The following RAPGEF1 variants were observed in gnomAD, a reference collection of about 807,000 sequenced individuals.
The protein encoded by RAPGEF1 is Rap guanine nucleotide exchange factor 1.
RAPGEF1 carries 33 observed loss-of-function variants against 143.3 expected under a neutral mutation model. The observed-to-expected ratio is 0.23, with a 90% CI of 0.17 to 0.31. The LOEUF (loss-of-function observed/expected upper bound fraction) is 0.31, where lower values mean the gene tolerates loss of function less well. Among genes scored for constraint, RAPGEF1 ranks in the 10% least tolerant of loss-of-function variants. The probability of loss-of-function intolerance (pLI) is 1.00; values close to 1 mark genes in which losing one functional copy is unlikely to be tolerated. For missense variants in RAPGEF1, 1,199 were observed against 1,645.4 expected (o/e 0.73, Z 4.69); for synonymous variants, 629 against 676.5 (o/e 0.93, Z 1.09).
intron 14 of RAPGEF1, among the ~76,000 whole-genome samples, 193 bp downstream of exon 14, chr9:131,603,768 A>G (rs996917236): frequency 3.9e-5 from 6 of 151,992 alleles, no homozygotes; most frequent in African/African-American, 1.5e-4. Context: ...CAAAGGGCAG[A>G]CCTCCACCTG....
chr9:131,662,973 C>T (rs894970292), intron 1 of RAPGEF1, among the ~76,000 whole-genome samples: 5 of 151,526 alleles, frequency 3.3e-5, no homozygotes, highest in Admixed American at 6.6e-5. Context: ...CTGGTTCCAA[C>T]GTTGTATTCT....
chr9:131,659,473 C>A (rs1416083029), intron 1 of RAPGEF1, among the ~76,000 whole-genome samples: 2 of 152,080 alleles, frequency 1.3e-5, no homozygotes, highest in Non-Finnish European at 2.9e-5. Flanking sequence ...CCCATCTCAG[C>A]CTCCCAAAGT....
intron 4 of RAPGEF1, among the ~76,000 whole-genome samples, chr9:131,640,967 C>A (rs1967774106): frequency 6.6e-6 from 1 of 152,140 alleles, no homozygotes; most frequent in Non-Finnish European, 1.5e-5. Context: ...AGAAAACAAA[C>A]CATATTTCAT....
chr9:131,597,390 C>T (rs1483681580), intron 16 of RAPGEF1, among the ~76,000 whole-genome samples: 1 of 152,218 alleles, frequency 6.6e-6, no homozygotes, highest in Non-Finnish European at 1.5e-5. Flanking sequence ...CTGTGTGTGA[C>T]AGCCCAAGGC....
intron 1 of RAPGEF1, among the ~76,000 whole-genome samples, chr9:131,733,765 G>C (rs947121401): frequency 1.3e-5 from 2 of 152,174 alleles, no homozygotes; most frequent in Non-Finnish European, 2.9e-5. Flanking sequence ...AACACGCTCA[G>C]CTGGCCTGAG....
rs1420087157 is a variant in RAPGEF1 at position 131,621,720 on chromosome 9, C to T, written c.1905+76G>A. Reference sequence around the variant, plus strand: ...AGCAGGGAGGAGGGTTAACCCTGCCCCCAAGGAGGGTCATTCTGGTTCCTA... The same window carrying T: ...AGCAGGGAGGAGGGTTAACCCTGCCTCCAAGGAGGGTCATTCTGGTTCCTA... On this transcript the variant is annotated intron_variant, in intron 11 of 26. Transcript: ENST00000683357. The surrounding 1 kb of genome is among the most constrained non-coding windows in gnomAD (Gnocchi z 4.5). The T allele has an allele frequency of 1.4e-6, 2 of 1,448,100 alleles. No individual in the cohort carries two copies. The highest frequency in any genetic ancestry group is 1.4e-5 in the African/African-American group (1 of 71,046). 89.7% of individuals were successfully genotyped at this position (1,448,100 alleles called of 1,614,324 possible). A position where few individuals can be genotyped will look rare whatever the true frequency, so the allele number is the denominator to read the frequency against.
Position 131,625,903 on chromosome 9 carries a change from C to G in RAPGEF1, c.1702+19G>C. Reference sequence around the variant, plus strand: ...GGTTATAAAATGCACTTCCTGACAACAGTGCAACAAAGGCTTACTGTGTTT... The same window carrying G: ...GGTTATAAAATGCACTTCCTGACAAGAGTGCAACAAAGGCTTACTGTGTTT... On this transcript the variant is annotated intron_variant, in intron 10 of 26. Coordinates refer to ENST00000683357, the MANE Select transcript of RAPGEF1 (RefSeq NM_001377935.1). 6.5e-7 allele frequency: 1 copy of G among 1,531,358 alleles called. No individual in the cohort carries two copies. Among genetic ancestry groups the G allele is most frequent in the Non-Finnish European group, 8.8e-7 (1 of 1,135,448 alleles). 94.9% of individuals were successfully genotyped at this position (1,531,358 alleles called of 1,614,324 possible). A position where few individuals can be genotyped will look rare whatever the true frequency, so the allele number is the denominator to read the frequency against.
chr9:131,627,859 G>T, intron 9 of RAPGEF1, 54 bp downstream of exon 9: 2 of 1,531,452 alleles, frequency 1.3e-6, no homozygotes, highest in East Asian at 2.4e-5. Flanking sequence ...GGACTGTAAT[G>T]GCCCCAGAGA....
chr9:131,626,830 G>A (rs1298197537), intron 9 of RAPGEF1, among the ~76,000 whole-genome samples: 1 of 152,164 alleles, frequency 6.6e-6, no homozygotes, highest in Non-Finnish European at 1.5e-5. Context: ...GGGCCACGCG[G>A]TGGCTCACGC....
intron 1 of RAPGEF1, among the ~76,000 whole-genome samples, chr9:131,716,426 G>T (rs1398796828): frequency 6.6e-6 from 1 of 152,152 alleles, no homozygotes; most frequent in African/African-American, 2.4e-5. Context: ...GGAGAAATTT[G>T]GAAGACTTGG....
chr9:131,629,583 G>T (rs1048155479), intron 6 of RAPGEF1, among the ~76,000 whole-genome samples: 1 of 152,128 alleles, frequency 6.6e-6, no homozygotes, highest in Non-Finnish European at 1.5e-5. Flanking sequence ...TTGAGGTTAG[G>T]AGTTTGAGAC....
At chr9:131,603,501 C>T (rs960530034) in intron 14 of RAPGEF1, among the ~76,000 whole-genome samples, 4 of 152,116 alleles carry the variant, frequency 2.6e-5, no homozygotes, top group African/African-American at 4.8e-5. Flanking sequence ...TCACCCGCTT[C>T]CTCAGAAGCA....
At chr9:131,647,401 G>T (rs1588732423) in intron 3 of RAPGEF1, among the ~76,000 whole-genome samples, 1 of 152,294 alleles carries the variant, frequency 6.6e-6, no homozygotes, top group East Asian at 1.9e-4. Context: ...ACAGGGCTGG[G>T]GCGAGAAGGA....
chr9:131,585,638 A>AT, intron 22 of RAPGEF1, among the ~76,000 whole-genome samples: 1 of 152,212 alleles, frequency 6.6e-6, no homozygotes, highest in East Asian at 1.9e-4. Flanking sequence ...TGCCATAGCT[A>AT]AACATGCTTT....
intron 25 of RAPGEF1, among the ~76,000 whole-genome samples, chr9:131,581,942 T>C (rs1398143912): frequency 6.6e-6 from 1 of 152,228 alleles, no homozygotes; most frequent in African/African-American, 2.4e-5. Context: ...CCCTATAGGA[T>C]GTGCCATTGA....
At chr9:131,652,877 T>C (rs1157640804) in intron 1 of RAPGEF1, among the ~76,000 whole-genome samples, 1 of 152,222 alleles carries the variant, frequency 6.6e-6, no homozygotes, top group Non-Finnish European at 1.5e-5. Flanking sequence ...CATAACCATA[T>C]GTGCTATATA....
chr9:131,678,751 G>A (rs1832656851), intron 1 of RAPGEF1, among the ~76,000 whole-genome samples: 1 of 152,164 alleles, frequency 6.6e-6, no homozygotes, highest in East Asian at 1.9e-4. Context: ...GACCTCAGGG[G>A]TGCAAAAGGA....
intron 1 of RAPGEF1, among the ~76,000 whole-genome samples, chr9:131,668,348 TA>T (rs1830774705): frequency 6.6e-6 from 1 of 152,236 alleles, no homozygotes. Flanking sequence ...AATTAGATAT[TA>T]AAATTTAGAT....
Position 131,638,772 on chromosome 9 carries a change from A to G in RAPGEF1, c.514T>C (p.Tyr172His), listed in dbSNP as rs1399761789. Residue 172 changes from tyrosine to histidine, a missense_variant, in exon 5 of 27, where the codon TAT becomes CAT. By Grantham distance (83) the Tyr-to-His change is moderately conservative. This residue lies in a region of RAPGEF1 where 613 missense variants were observed against 710.9 expected (regional missense o/e 0.86). Transcript: ENST00000683357. ...GCGAGGCTTTGGTACACTCGGCTAT[A>G]GCAGGAAGAGAGGGCTGAGCTACAG... The part of the protein sequence containing the change: ...IQHSSALSSC[Y>H]SRVYQSLANL... The G allele has an allele frequency of 6.2e-7, 1 of 1,613,848 alleles. No homozygotes were observed. The highest frequency in any genetic ancestry group is 8.5e-7 in the Non-Finnish European group (1 of 1,179,876).
Sources: allele counts gnomAD v4.1 joint callset (sites outside exome capture counted in the v4.1 genomes callset), GRCh38; gene constraint gnomAD v4.1.1; regional missense constraint gnomAD v4.1.1; non-coding constraint Gnocchi (gnomAD v3.1); transcripts MANE v1.5; gene names NCBI Gene and HGNC (gene_info 2026-07-23, HGNC 2026-07-21).